Variants in PDE6H observed in about 807,000 individuals in gnomAD.
The protein encoded by PDE6H is retinal cone rhodopsin-sensitive cGMP 3',5'-cyclic phosphodiesterase subunit gamma.
A neutral mutation model predicts 9.2 loss-of-function variants in PDE6H; 11 were observed. That is an observed-to-expected ratio of 1.19 (90% CI 0.75 to 1.97). The LOEUF (loss-of-function observed/expected upper bound fraction) is 1.97. PDE6H is among the 30% of genes most tolerant of loss of function. The probability of loss-of-function intolerance (pLI) is 0.00; values close to 1 mark genes in which losing one functional copy is unlikely to be tolerated. For missense variants in PDE6H, 98 were observed against 101.5 expected, an observed-to-expected ratio of 0.97 and a Z score of 0.15; for synonymous variants, 36 against 33.6, an observed-to-expected ratio of 1.07 and a Z score of -0.25.
intron 2 of PDE6H, among the ~76,000 whole-genome samples, chr12:14,978,621 C>G (rs1864633639): frequency 1.3e-5 from 2 of 152,190 alleles, no homozygotes; most frequent in Admixed American, 1.3e-4. Flanking sequence ...ACTCCTGACT[C>G]TCTTTAACAA....
At chr12:14,977,380 T>C (rs1231171963) in intron 1 of PDE6H, among the ~76,000 whole-genome samples, 1 of 152,178 alleles carries the variant, frequency 6.6e-6, no homozygotes, top group African/African-American at 2.4e-5. Context: ...AATAAACATT[T>C]AGAGTCAGGT....
Position 14,978,865 on chromosome 12 carries a change from A to G in PDE6H, c.135-314A>G, listed in dbSNP as rs925171629. 4.6e-4 allele frequency among the ~76,000 whole-genome samples: 70 copies of G among 152,272 alleles called. 1 individual carries two copies. The highest frequency in any genetic ancestry group is 3.4e-3 in the Middle Eastern group (1 of 294). Reference sequence around the variant, plus strand: ...ATTCATCATTTTTAATGCCTTTTGTATTGCTTTCTCATTTCAATTTTTATT... The same window carrying G: ...ATTCATCATTTTTAATGCCTTTTGTGTTGCTTTCTCATTTCAATTTTTATT... On this transcript the variant is annotated intron_variant, in intron 2 of 3. Transcript: ENST00000266395.
In PDE6H at chr12:14,981,792, T is replaced by G. The variant is rs1864688976; in HGVS notation, c.*316T>G. On this transcript the variant is annotated 3_prime_UTR_variant, in exon 4 of 4. Coordinates refer to ENST00000266395, the MANE Select transcript of PDE6H (RefSeq NM_006205.3). ...TTTGCTAGGCATTCATTATGATTAA[T>G]AGTAGACTTTTAAGACAACATTTAT... The G allele has an allele frequency of 6.9e-6, 3 of 433,214 alleles. No individual in the cohort carries two copies. The highest frequency in any genetic ancestry group is 6.0e-5 in the African/African-American group (3 of 49,880). The allele number at this position is 433,214 out of a possible 1,614,324, so 26.8% of individuals were successfully genotyped here. A position where few individuals can be genotyped will look rare whatever the true frequency, so the allele number is the denominator to read the frequency against.
chr12:14,979,698 C>T (rs1864652893), intron 3 of PDE6H, among the ~76,000 whole-genome samples: 1 of 152,144 alleles, frequency 6.6e-6, no homozygotes, highest in African/African-American at 2.4e-5. Flanking sequence ...TCCTCTAGCA[C>T]CCAGAGGAGG....
intron 3 of PDE6H, among the ~76,000 whole-genome samples, chr12:14,980,820 CTG>C (rs1864671111): frequency 6.6e-6 from 1 of 152,184 alleles, no homozygotes; most frequent in South Asian, 2.1e-4. Flanking sequence ...TTTCATCTTT[CTG>C]TGTGTCAGCA....
At chr12:14,980,626 C>A (rs1864667824) in intron 3 of PDE6H, among the ~76,000 whole-genome samples, 1 of 152,276 alleles carries the variant, frequency 6.6e-6, no homozygotes, top group East Asian at 1.9e-4. Flanking sequence ...TCTTTTAGAT[C>A]AACTGCTTCC....
chr12:14,980,314 C>A (rs994766515), intron 3 of PDE6H, among the ~76,000 whole-genome samples: 2 of 152,178 alleles, frequency 1.3e-5, no homozygotes. Context: ...CTTGATAGCT[C>A]ATTTTTTAAA....
chr12:14,981,040 C>T (rs1864674890), intron 3 of PDE6H, among the ~76,000 whole-genome samples: 1 of 152,212 alleles, frequency 6.6e-6, no homozygotes, highest in African/African-American at 2.4e-5. Context: ...AAGTGCTCCT[C>T]TTTTTCATTT....
At chr12:14,978,272 TTTC>T (rs1864628164) in intron 2 of PDE6H, 126 bp downstream of exon 2, 1 of 786,146 alleles carries the variant, frequency 1.3e-6, no homozygotes, top group African/African-American at 1.7e-5. Flanking sequence ...CATCCTCTCT[TTTC>T]CTCTGTAACT....
At chr12:14,977,084 T>C (rs1288624606) in intron 1 of PDE6H, among the ~76,000 whole-genome samples, 1 of 152,220 alleles carries the variant, frequency 6.6e-6, no homozygotes, top group Non-Finnish European at 1.5e-5. Context: ...TTGTGAAAAG[T>C]GGGGGCTGAA....
intron 3 of PDE6H, among the ~76,000 whole-genome samples, chr12:14,979,936 T>C (rs530289910): frequency 6.6e-6 from 1 of 152,326 alleles, no homozygotes; most frequent in South Asian, 2.1e-4. Flanking sequence ...CATCTTGTAT[T>C]AGTGTGATTA....
In PDE6H at chr12:14,978,148, T is replaced by C. The variant is rs1864625877; in HGVS notation, c.134+2T>C. Reference sequence around the variant, plus strand: ...ACCTCCAAAGAAAGGTGTGAAAGGGTAAGACCAAAATGAAAAGAAAAACTT... The same window carrying C: ...ACCTCCAAAGAAAGGTGTGAAAGGGCAAGACCAAAATGAAAAGAAAAACTT... On this transcript the variant is annotated splice_donor_variant, in intron 2 of 3. Transcript: ENST00000266395. LOFTEE classifies it high-confidence loss of function. The C allele has an allele frequency of 6.2e-7, 1 of 1,613,336 alleles. No individual in the cohort carries two copies. Among genetic ancestry groups the C allele is most frequent in the South Asian group, 1.1e-5 (1 of 91,036 alleles).
intron 2 of PDE6H, 116 bp from the exon 3 acceptor site, chr12:14,979,063 T>C: frequency 1.3e-6 from 1 of 747,026 alleles, no homozygotes. Flanking sequence ...GTTTCTCACA[T>C]ACAAACACTT....
Position 14,981,819 on chromosome 12 carries a change from T to G in PDE6H, c.*343T>G. 1 of 377,690 alleles carries G rather than the reference T, an allele frequency of 2.6e-6. No individual in the cohort carries two copies. Among genetic ancestry groups the G allele is most frequent in the South Asian group, 2.5e-5 (1 of 40,350 alleles). 23.4% of individuals were successfully genotyped at this position (377,690 alleles called of 1,614,324 possible). A position where few individuals can be genotyped will look rare whatever the true frequency, so the allele number is the denominator to read the frequency against. ...GTAGACTTTTAAGACAACATTTATG[T>G]CACTCCCCACCTCCTCATATTTAAT... is the stretch of plus-strand genomic sequence containing the variant. On this transcript the variant is annotated 3_prime_UTR_variant, in exon 4 of 4. Coordinates refer to ENST00000266395, the MANE Select transcript of PDE6H (RefSeq NM_006205.3).
chr12:14,976,817 A>G (rs1260035921), intron 1 of PDE6H, among the ~76,000 whole-genome samples: 1 of 152,256 alleles, frequency 6.6e-6, no homozygotes, highest in African/African-American at 2.4e-5. Context: ...GGTAAGAGGC[A>G]AAAGCAATTT....
chr12:14,975,531 G>A (rs923945893), intron 1 of PDE6H, among the ~76,000 whole-genome samples: 6 of 152,138 alleles, frequency 3.9e-5, no homozygotes, highest in Non-Finnish European at 8.8e-5. Flanking sequence ...TGGCAGGGCT[G>A]GGATGTGTCA....
intron 1 of PDE6H, among the ~76,000 whole-genome samples, 173 bp from the exon 2 acceptor site, chr12:14,977,799 T>C (rs1864618066): frequency 6.6e-6 from 1 of 152,260 alleles, no homozygotes; most frequent in African/African-American, 2.4e-5. Flanking sequence ...ATTTATACTC[T>C]GTTTTCTTAA....
At chr12:14,980,531 T>A (rs1031301967) in intron 3 of PDE6H, among the ~76,000 whole-genome samples, 4 of 152,210 alleles carry the variant, frequency 2.6e-5, no homozygotes, top group African/African-American at 9.6e-5. Context: ...TCCCAGGCAA[T>A]CCTCAGTGTC....
intron 2 of PDE6H, among the ~76,000 whole-genome samples, chr12:14,978,721 G>A (rs556659120): frequency 3.3e-5 from 5 of 151,868 alleles, no homozygotes; most frequent in African/African-American, 7.2e-5. Flanking sequence ...TCTATTCTCC[G>A]AGGCTAAGAC....
Sources: gnomAD v4.1 joint callset for allele counts (sites outside exome capture counted in the v4.1 genomes callset) on GRCh38, gnomAD v4.1.1 for gene constraint, MANE v1.5 for transcripts, NCBI Gene and HGNC (gene_info 2026-07-23, HGNC 2026-07-21) for gene names.